Variants in SPAG16 observed in about 807,000 individuals in gnomAD.
SPAG16 encodes the protein sperm associated antigen 16.
A neutral mutation model predicts 80.4 loss-of-function variants in SPAG16; 86 were observed. That is an observed-to-expected ratio of 1.07 (90% confidence interval 0.90 to 1.28). The LOEUF (loss-of-function observed/expected upper bound fraction) is 1.28. Ranked by LOEUF, SPAG16 falls within the 50% of genes most tolerant of loss-of-function variation. SPAG16 has a pLI of 0.00. For missense variants in SPAG16, 870 were observed against 765.3 expected, an observed-to-expected ratio of 1.14 and a Z score of -1.61; for synonymous variants, 294 against 265.9, an observed-to-expected ratio of 1.11 and a Z score of -1.03.
intron 10 of SPAG16, among the ~76,000 whole-genome samples, chr2:213,640,138 A>G (rs1001293960): frequency 6.6e-6 from 1 of 151,336 alleles, no homozygotes; most frequent in Non-Finnish European, 1.5e-5. Flanking sequence ...TTTTTCATCC[A>G]TATTCTGTTT....
intron 10 of SPAG16, among the ~76,000 whole-genome samples, chr2:213,503,471 C>CA (rs2074835159): frequency 6.6e-6 from 1 of 152,236 alleles, no homozygotes; most frequent in African/African-American, 2.4e-5. Context: ...CATTGCTCCT[C>CA]ACCACCCCTC....
intron 15 of SPAG16, among the ~76,000 whole-genome samples, chr2:214,208,818 T>C (rs946093852): frequency 6.6e-6 from 1 of 152,154 alleles, no homozygotes. Context: ...TTCCTGTGCC[T>C]CAGTTACTTC....
intron 13 of SPAG16, among the ~76,000 whole-genome samples, chr2:214,060,586 C>A (rs1355048764): frequency 6.6e-6 from 1 of 152,078 alleles, no homozygotes; most frequent in Non-Finnish European, 1.5e-5. Context: ...AATGATAAAA[C>A]TATAACACTC....
intron 10 of SPAG16, among the ~76,000 whole-genome samples, chr2:213,666,911 A>G (rs780896993): frequency 2.0e-4 from 30 of 152,214 alleles, no homozygotes; most frequent in Non-Finnish European, 3.5e-4. Context: ...TATAGAATGG[A>G]AATCTGGATA....
chr2:214,079,388 A>C (rs1278453484), intron 13 of SPAG16, among the ~76,000 whole-genome samples: 4 of 152,220 alleles, frequency 2.6e-5, no homozygotes, highest in African/African-American at 4.8e-5. Flanking sequence ...TAAAGAAAAG[A>C]AATCTCTTTG....
At chr2:214,278,667 T>G in intron 15 of SPAG16, among the ~76,000 whole-genome samples, 1 of 152,180 alleles carries the variant, frequency 6.6e-6, no homozygotes, top group Non-Finnish European at 1.5e-5. Flanking sequence ...TGAGGAAATA[T>G]GAGGGGCAAA....
chr2:213,600,760 G>T (rs968342162), intron 10 of SPAG16, among the ~76,000 whole-genome samples: 2 of 152,186 alleles, frequency 1.3e-5, no homozygotes, highest in African/African-American at 4.8e-5. Context: ...TTACCCGAGA[G>T]AAATTTTAGC....
chr2:213,420,376 T>C (rs1300464474), intron 9 of SPAG16, among the ~76,000 whole-genome samples: 1 of 152,216 alleles, frequency 6.6e-6, no homozygotes. Flanking sequence ...AACTGACTGA[T>C]AGTACCTGTT....
intron 9 of SPAG16, among the ~76,000 whole-genome samples, chr2:213,447,679 A>G (rs1224756730): frequency 6.6e-6 from 1 of 152,206 alleles, no homozygotes; most frequent in East Asian, 1.9e-4. Context: ...GTTTACCTCC[A>G]GCCTGACTAT....
At chr2:214,146,299 C>T (rs1472497932) in intron 14 of SPAG16, among the ~76,000 whole-genome samples, 1 of 152,084 alleles carries the variant, frequency 6.6e-6, no homozygotes, top group Non-Finnish European at 1.5e-5. Flanking sequence ...TATTCTGTCT[C>T]GAGGAAGGAG....
At chr2:214,352,294 A>G (rs1698465458) in intron 15 of SPAG16, among the ~76,000 whole-genome samples, 1 of 152,244 alleles carries the variant, frequency 6.6e-6, no homozygotes, top group Non-Finnish European at 1.5e-5. Context: ...ATGTCCTCAC[A>G]GTTATCATCA....
In SPAG16 at chr2:213,927,516, G is replaced by A. The variant is rs549986053; in HGVS notation, c.1215-2444G>A. ...ATATTTCAGGCCATGTTTTTGAAAG[G>A]CAAAACCATTTCAAAAGAATGTTCA... is the stretch of plus-strand genomic sequence containing the variant. On this transcript the variant is annotated intron_variant, in intron 11 of 15. Transcript: ENST00000331683. 8.5e-5 allele frequency among the ~76,000 whole-genome samples: 13 copies of A among 152,152 alleles called. No individual in the cohort carries two copies. The South Asian group carries it at 1.2e-3, about 15-fold the overall frequency.
chr2:213,452,805 C>G (rs1318433000), intron 9 of SPAG16, among the ~76,000 whole-genome samples: 1 of 152,204 alleles, frequency 6.6e-6, no homozygotes, highest in Non-Finnish European at 1.5e-5. Context: ...TATGCCCTAA[C>G]ACAACTTAAA....
intron 15 of SPAG16, among the ~76,000 whole-genome samples, chr2:214,267,677 A>G (rs1253461562): frequency 6.6e-6 from 1 of 151,922 alleles, no homozygotes; most frequent in African/African-American, 2.4e-5. Flanking sequence ...TATCCCACAA[A>G]TAAATTCTTT....
At chr2:214,253,544 CATTT>C (rs1690457649) in intron 15 of SPAG16, among the ~76,000 whole-genome samples, 8 of 152,154 alleles carry the variant, frequency 5.3e-5, no homozygotes. Flanking sequence ...TTCCCAACAC[CATTT>C]ATTAAATAGG....
chr2:213,292,621 G>A (rs187077312), intron 1 of SPAG16, among the ~76,000 whole-genome samples: 8,365 of 139,594 alleles, frequency 0.06, 877 homozygotes, highest in African/African-American at 0.22. Context: ...CCGAGATCCC[G>A]CCACTGCACT....
chr2:213,643,792 T>A (rs76035386), intron 10 of SPAG16, among the ~76,000 whole-genome samples: 2 of 141,820 alleles, frequency 1.4e-5, no homozygotes, highest in Admixed American at 1.4e-4. Flanking sequence ...TTTTTTTTTT[T>A]TTTTGAGACG....
chr2:213,802,439 A>G (rs903669767), intron 10 of SPAG16, among the ~76,000 whole-genome samples: 6 of 143,784 alleles, frequency 4.2e-5, no homozygotes, highest in African/African-American at 9.9e-5. Context: ...CTATCTATCT[A>G]TCTATCTACA....
At chr2:214,161,244 A>G (rs2056423787) in intron 15 of SPAG16, among the ~76,000 whole-genome samples, 1 of 152,120 alleles carries the variant, frequency 6.6e-6, no homozygotes, top group Non-Finnish European at 1.5e-5. Context: ...GCTATTGTGA[A>G]TAGTGCTGCA....
Sources: allele counts gnomAD v4.1 joint callset (sites outside exome capture counted in the v4.1 genomes callset), GRCh38; gene constraint gnomAD v4.1.1; transcripts MANE v1.5; gene names NCBI Gene and HGNC (gene_info 2026-07-23, HGNC 2026-07-21).